Variants in ZMYM2 observed in about 807,000 individuals in gnomAD.
The protein encoded by ZMYM2 is zinc finger MYM-type containing 2.
In ZMYM2, 56 loss-of-function variants were observed where a neutral mutation model predicts 162.8. The observed-to-expected ratio is 0.34, with a 90% confidence interval of 0.28 to 0.43. ZMYM2 has a LOEUF of 0.43. Among genes scored for constraint, ZMYM2 ranks in the 20% least tolerant of loss-of-function variants. ZMYM2 has a pLI of 1.00. For missense variants in ZMYM2, 1,275 were observed against 1,621.8 expected, an observed-to-expected ratio of 0.79 and a Z score of 3.67; for synonymous variants, 510 against 541.6, an observed-to-expected ratio of 0.94 and a Z score of 0.81.
chr13:19,981,571 A>G (rs1218191509), intron 2 of ZMYM2, among the ~76,000 whole-genome samples: 1 of 152,182 alleles, frequency 6.6e-6, no homozygotes, highest in African/African-American at 2.4e-5. Flanking sequence ...TAGGTGGGAA[A>G]TGGTATTTTC....
intron 12 of ZMYM2, among the ~76,000 whole-genome samples, chr13:20,046,619 G>GTATA (rs1200652740): frequency 1.7e-5 from 1 of 59,060 alleles, no homozygotes. Flanking sequence ...ATATATATGT[G>GTATA]TATATATATG....
rs190032646 is a variant in ZMYM2 at position 20,022,275 on chromosome 13, C to A, written c.1584+2657C>A. 9.5e-4 allele frequency among the ~76,000 whole-genome samples: 145 copies of A among 152,208 alleles called. 1 individual carries two copies. Among genetic ancestry groups the A allele is most frequent in the African/African-American group, 3.1e-3 (127 of 41,520 alleles). On this transcript the variant is annotated intron_variant, in intron 7 of 24. Transcript: ENST00000610343. ...TTTTATGACTTGACATTTTGAATAC[C>A]ACTTTGGAGAGCATCCCTCAATTCG... is the stretch of plus-strand genomic sequence containing the variant.
chr13:20,022,891 A>T (rs1413968349), intron 7 of ZMYM2, among the ~76,000 whole-genome samples: 2 of 152,194 alleles, frequency 1.3e-5, no homozygotes, highest in Non-Finnish European at 2.9e-5. Context: ...TCAGAATGTT[A>T]TTAAATGCAT....
At chr13:19,875,559 C>T in the ZMYM2 span, among the ~76,000 whole-genome samples, 1,783 of 128,512 alleles carry the variant, frequency 0.014, 37 homozygotes, top group African/African-American at 0.047. Context: ...ACCCGGGAGG[C>T]GGAGCTTGCA....
chr13:20,054,147 T>G (rs1013164980), intron 14 of ZMYM2, among the ~76,000 whole-genome samples: 3 of 152,238 alleles, frequency 2.0e-5, no homozygotes, highest in African/African-American at 7.2e-5. Flanking sequence ...TGGAATCTTC[T>G]AATTCTCCAC....
At chr13:20,050,082 A>G (rs1376438575) in intron 12 of ZMYM2, among the ~76,000 whole-genome samples, 2 of 152,006 alleles carry the variant, frequency 1.3e-5, no homozygotes, top group Admixed American at 1.3e-4. Context: ...TGTTACTGAG[A>G]TGATCACATA....
At chr13:20,041,506 G>C (rs144903856) in intron 12 of ZMYM2, among the ~76,000 whole-genome samples, 1 of 151,996 alleles carries the variant, frequency 6.6e-6, no homozygotes, top group East Asian at 1.9e-4. Flanking sequence ...CCTTATCCAA[G>C]CCACTGTGTA....
intron 3 of ZMYM2, among the ~76,000 whole-genome samples, chr13:20,001,411 AAG>A (rs1950380050): frequency 6.6e-6 from 1 of 151,622 alleles, no homozygotes; most frequent in African/African-American, 2.4e-5. Flanking sequence ...AAAAAAAAAA[AAG>A]TAGAGCCCGA....
At chr13:19,958,280 C>T (rs982199166), upstream of ZMYM2, among the ~76,000 whole-genome samples, 8 of 152,156 alleles carry the variant, frequency 5.3e-5, no homozygotes, top group Non-Finnish European at 1.0e-4. Flanking sequence ...CGGCTCTCCT[C>T]GGGCAGAGGC....
At chr13:19,872,756 T>G in the ZMYM2 span, among the ~76,000 whole-genome samples, 1 of 152,148 alleles carries the variant, frequency 6.6e-6, no homozygotes. Context: ...CCCAGCACTT[T>G]GGGAGGCTGA....
intron 12 of ZMYM2, among the ~76,000 whole-genome samples, chr13:20,050,766 G>A (rs1197948208): frequency 6.6e-6 from 1 of 151,874 alleles, no homozygotes; most frequent in East Asian, 1.9e-4. Flanking sequence ...TTCTTGTATC[G>A]TTTTTTGGTA....
At chr13:19,988,362 T>A (rs1159158052) in intron 2 of ZMYM2, among the ~76,000 whole-genome samples, 2 of 152,206 alleles carry the variant, frequency 1.3e-5, no homozygotes, top group African/African-American at 4.8e-5. Context: ...TGCTGTTACT[T>A]AAAAATAACT....
chr13:20,046,554 T>TAAAAAAAAAAA (rs137929093), intron 12 of ZMYM2, among the ~76,000 whole-genome samples: 5 of 76,352 alleles, frequency 6.5e-5, no homozygotes, highest in Middle Eastern at 6.7e-3. Context: ...ACTTTGTCTC[T>TAAAAAAAAAAA]AAAAAAAAAA....
At chr13:20,023,705 A>G (rs1418993961) in intron 7 of ZMYM2, among the ~76,000 whole-genome samples, 1 of 152,170 alleles carries the variant, frequency 6.6e-6, no homozygotes, top group Non-Finnish European at 1.5e-5. Context: ...ACTTTACATC[A>G]CTAAATGTGT....
intron 2 of ZMYM2, among the ~76,000 whole-genome samples, chr13:19,985,918 C>T (rs906006655): frequency 6.7e-6 from 1 of 150,172 alleles, no homozygotes; most frequent in African/African-American, 2.5e-5. Context: ...GGTGTGATAA[C>T]GTGCGCCTAT....
intron 6 of ZMYM2, among the ~76,000 whole-genome samples, chr13:20,012,521 C>T (rs189510547): frequency 8.5e-5 from 13 of 152,220 alleles, no homozygotes; most frequent in Admixed American, 7.2e-4. Flanking sequence ...TTCTTTTGGT[C>T]GTGCTTTCGG....
At chr13:19,987,111 CAAAAAA>C (rs58588019) in intron 2 of ZMYM2, among the ~76,000 whole-genome samples, 56 of 40,916 alleles carry the variant, frequency 1.4e-3, no homozygotes, top group African/African-American at 3.6e-3. Flanking sequence ...GGCTCCGTCT[CAAAAAA>C]AAAAAAAAAA....
chr13:19,896,881 T>C, the ZMYM2 span, among the ~76,000 whole-genome samples: 21,323 of 150,262 alleles, frequency 0.14, 2,020 homozygotes, highest in African/African-American at 0.26. Context: ...GAGACCAGCC[T>C]GACCAACATG....
At chr13:19,899,927 GA>G in the ZMYM2 span, among the ~76,000 whole-genome samples, 2 of 148,118 alleles carry the variant, frequency 1.4e-5, no homozygotes, top group East Asian at 3.9e-4. Flanking sequence ...CATTGACTCT[GA>G]AAAAAAAAGA....
Sources: gnomAD v4.1 joint callset for allele counts (sites outside exome capture counted in the v4.1 genomes callset) on GRCh38, gnomAD v4.1.1 for gene constraint, MANE v1.5 for transcripts, NCBI Gene and HGNC (gene_info 2026-07-23, HGNC 2026-07-21) for gene names.